The following WASF2 variants were observed in gnomAD, a reference collection of about 807,000 sequenced individuals.
The protein encoded by WASF2 is WASP family member 2.
A neutral mutation model predicts 45.0 loss-of-function variants in WASF2; 14 were observed. The observed-to-expected ratio is 0.31, with a 90% CI of 0.21 to 0.49. WASF2 has a LOEUF of 0.49. Ranked by LOEUF, WASF2 falls within the 20% of genes least tolerant of loss-of-function variation. The probability of loss-of-function intolerance (pLI) is 0.99; values close to 1 mark genes in which losing one functional copy is unlikely to be tolerated. For missense variants in WASF2, 439 were observed against 636.1 expected (o/e 0.69, Z 3.33); for synonymous variants, 200 against 236.3 (o/e 0.85, Z 1.41).
intron 1 of WASF2, among the ~76,000 whole-genome samples, chr1:27,443,662 TCAGA>T (rs1367253636): frequency 1.3e-5 from 2 of 152,108 alleles, no homozygotes; most frequent in Non-Finnish European, 2.9e-5. Context: ...AGAAGAATGT[TCAGA>T]CAAAGAAAGC....
chr1:27,413,950 C>G (rs780241621), intron 6 of WASF2, among the ~76,000 whole-genome samples: 2 of 152,184 alleles, frequency 1.3e-5, no homozygotes, highest in Non-Finnish European at 2.9e-5. Flanking sequence ...CCACGAAGAA[C>G]AAGTGTCAGA....
chr1:27,426,441 T>C (rs2016982442), intron 2 of WASF2, among the ~76,000 whole-genome samples: 1 of 151,904 alleles, frequency 6.6e-6, no homozygotes, highest in Admixed American at 6.6e-5. Flanking sequence ...AGCTGAGAAA[T>C]CTGTAGGAAG....
At chr1:27,471,189 C>T (rs1227094483) in intron 1 of WASF2, among the ~76,000 whole-genome samples, 1 of 151,648 alleles carries the variant, frequency 6.6e-6, no homozygotes, top group Non-Finnish European at 1.5e-5. Context: ...ACTAAAAATA[C>T]AAAAAATTAG....
chr1:27,458,701 G>A (rs993798515), intron 1 of WASF2, among the ~76,000 whole-genome samples: 2 of 151,974 alleles, frequency 1.3e-5, no homozygotes, highest in African/African-American at 4.8e-5. Flanking sequence ...GCTGAGGCAG[G>A]AGAATTGCTT....
intron 8 of WASF2, 52 bp from the exon 9 acceptor site, chr1:27,408,398 TC>T: frequency 6.2e-7 from 1 of 1,610,816 alleles, no homozygotes; most frequent in Non-Finnish European, 8.5e-7. Flanking sequence ...AGCCTTGGAA[TC>T]CATCTGGAAC....
Position 27,409,093 on chromosome 1 carries a change from C to CATAT in WASF2, c.1339+595_1339+598dup, listed in dbSNP as rs1443696615. Among the ~76,000 whole-genome samples the CATAT allele has an allele frequency of 3.9e-5, 6 of 152,132 alleles. No homozygotes were observed. The East Asian group carries it at 1.2e-3, about 29-fold the overall frequency. ...AAAAATGCATGCAAACACACATAAG[C>CATAT]ATATATTTCCAAGGACTTCAAAGAT... is the stretch of plus-strand genomic sequence containing the variant. On this transcript the variant is annotated intron_variant, in intron 8 of 8. Coordinates refer to ENST00000618852, the MANE Select transcript of WASF2 (RefSeq NM_006990.5).
chr1:27,408,666 A>G (rs879215913), intron 8 of WASF2, among the ~76,000 whole-genome samples: 3 of 152,108 alleles, frequency 2.0e-5, no homozygotes, highest in African/African-American at 7.2e-5. Flanking sequence ...AATTCCATCA[A>G]TTATAATGGG....
chr1:27,424,806 C>T (rs2016954110), intron 2 of WASF2, among the ~76,000 whole-genome samples: 1 of 152,188 alleles, frequency 6.6e-6, no homozygotes, highest in Admixed American at 6.5e-5. Context: ...CAATTGTGCC[C>T]AGCCAATAAT....
intron 1 of WASF2, among the ~76,000 whole-genome samples, chr1:27,443,070 G>A (rs1327382148): frequency 6.6e-6 from 1 of 151,572 alleles, no homozygotes; most frequent in Non-Finnish European, 1.5e-5. Flanking sequence ...AGGCCGAGAT[G>A]GGGGGATTGC....
At chr1:27,456,075 C>T (rs1358373241) in intron 1 of WASF2, among the ~76,000 whole-genome samples, 2 of 152,194 alleles carry the variant, frequency 1.3e-5, no homozygotes, top group African/African-American at 4.8e-5. Flanking sequence ...GTAATCCCAG[C>T]ACTTTGGGAG....
At chr1:27,469,425 C>A (rs1470011491) in intron 1 of WASF2, among the ~76,000 whole-genome samples, 1 of 152,094 alleles carries the variant, frequency 6.6e-6, no homozygotes, top group Non-Finnish European at 1.5e-5. Flanking sequence ...GAAAATAAGT[C>A]ACAGAGTTGG....
chr1:27,479,008 C>G (rs780295102), intron 1 of WASF2, among the ~76,000 whole-genome samples: 1 of 151,672 alleles, frequency 6.6e-6, no homozygotes, highest in Non-Finnish European at 1.5e-5. Flanking sequence ...TGGTTAGGGC[C>G]GGGTGTGGTG....
rs531417086 is a variant in WASF2 at position 27,436,777 on chromosome 1, T to C, written c.-43-7844A>G. 5.3e-5 allele frequency among the ~76,000 whole-genome samples: 8 copies of C among 152,294 alleles called. No individual in the cohort carries two copies. In the East Asian group the frequency reaches 1.4e-3, roughly 26 times the overall value. ...AAGCACAAGGAATGACAAATCTGTT[T>C]AGGTCACTAAAACAATGTCCAAAGG... On this transcript the variant is annotated intron_variant, in intron 1 of 8. Transcript: ENST00000618852.
In WASF2 at chr1:27,414,744, GGGT is replaced by G; in HGVS notation, c.668+86_668+88del. The stretch of plus-strand genomic sequence containing the variant: ...CTAAGCCACAGAGACAGACTTCAGG[GGGT>G]GTGAAAGGTGTCACACCAGAGCTGT... On this transcript the variant is annotated intron_variant, in intron 6 of 8. Transcript: ENST00000618852. This position sits in a 1 kb window ranked among gnomAD's most constrained non-coding sequence, Gnocchi z 4.1. 1 of 1,497,790 alleles carries G rather than the reference GGGT, an allele frequency of 6.7e-7. No individual in the cohort carries two copies. 92.8% of individuals were successfully genotyped at this position (1,497,790 alleles called of 1,614,324 possible).
intron 1 of WASF2, among the ~76,000 whole-genome samples, chr1:27,480,225 G>T (rs1396245760): frequency 6.6e-6 from 1 of 152,060 alleles, no homozygotes; most frequent in Non-Finnish European, 1.5e-5. Flanking sequence ...TTTTTAAACT[G>T]AGTACTTATG....
At chr1:27,433,923 T>C (rs937336104) in intron 1 of WASF2, among the ~76,000 whole-genome samples, 1 of 152,194 alleles carries the variant, frequency 6.6e-6, no homozygotes, top group Admixed American at 6.5e-5. Flanking sequence ...CATGAAAGAG[T>C]GGAATGCCCT....
intron 1 of WASF2, among the ~76,000 whole-genome samples, chr1:27,435,685 A>C (rs753068028): frequency 5.3e-5 from 8 of 152,016 alleles, no homozygotes; most frequent in Non-Finnish European, 1.2e-4. Flanking sequence ...GAAGAAAACA[A>C]AAAGGGAGGG....
intron 1 of WASF2, among the ~76,000 whole-genome samples, chr1:27,442,990 CAAAAAAAAA>C (rs782114128): frequency 1.6e-5 from 1 of 64,196 alleles, no homozygotes; most frequent in South Asian, 5.2e-4. Context: ...GACTCTGTCT[CAAAAAAAAA>C]AAAAAAAAAA....
chr1:27,417,071 A>T (rs1465375092), intron 4 of WASF2, among the ~76,000 whole-genome samples: 1 of 152,208 alleles, frequency 6.6e-6, no homozygotes, highest in Non-Finnish European at 1.5e-5. Flanking sequence ...ACCACCACTC[A>T]TTTCTGTTAG....
Sources: allele counts gnomAD v4.1 joint callset (sites outside exome capture counted in the v4.1 genomes callset), GRCh38; gene constraint gnomAD v4.1.1; non-coding constraint Gnocchi (gnomAD v3.1); transcripts MANE v1.5; gene names NCBI Gene and HGNC (gene_info 2026-07-23, HGNC 2026-07-21).